RAD54B: variants seen among roughly 807,000 people sequenced by gnomAD.
RAD54B encodes DNA repair and recombination protein RAD54B.
A neutral mutation model predicts 95.8 loss-of-function variants in RAD54B; 78 were observed. The ratio of observed to expected loss-of-function variants is 0.81; its 90% CI spans 0.68 to 0.98. The LOEUF is 0.98. Ranked by LOEUF, RAD54B falls within the 50% of genes least tolerant of loss-of-function variation. The pLI is 0.00. For missense variants in RAD54B, 957 were observed against 1,056.6 expected (o/e 0.91, Z 1.31); for synonymous variants, 328 against 354.9 (o/e 0.92, Z 0.85).
At chr8:94,433,634 C>A (rs1233716573) in intron 3 of RAD54B, among the ~76,000 whole-genome samples, 2 of 151,728 alleles carry the variant, frequency 1.3e-5, no homozygotes, top group African/African-American at 4.8e-5. Context: ...CCTTAAAATT[C>A]TGTTTTATAA....
At chr8:94,453,312 T>G (rs904046066) in intron 3 of RAD54B, among the ~76,000 whole-genome samples, 8 of 152,162 alleles carry the variant, frequency 5.3e-5, no homozygotes, top group African/African-American at 1.9e-4. Flanking sequence ...GCGGATCACT[T>G]GAGGTCAGGA....
chr8:94,429,869 A>G (rs1378080292), intron 3 of RAD54B: 41 of 985,398 alleles, frequency 4.2e-5, no homozygotes, highest in Non-Finnish European at 4.8e-5. Flanking sequence ...TTCTATTTCT[A>G]TAGCCATAAC....
In RAD54B at chr8:94,428,378, G is replaced by A. The variant is rs190117779; in HGVS notation, c.305-17063C>T. 3.8e-3 allele frequency: 3,629 copies of A among 955,314 alleles called. 11 individuals carry two copies. The highest frequency in any genetic ancestry group is 4.3e-3 in the Non-Finnish European group (3,432 of 802,702). The allele number at this position is 955,314 out of a possible 1,614,324, so 59.2% of individuals were successfully genotyped here. A position where few individuals can be genotyped will look rare whatever the true frequency, so the allele number is the denominator to read the frequency against. On this transcript the variant is annotated intron_variant, in intron 3 of 14. Coordinates refer to ENST00000336148, the MANE Select transcript of RAD54B (RefSeq NM_012415.3). ...TATAGTCATCCCTCAGTATCCAAGG[G>A]GGATTGGTTTCAGGACACCCCCTAC...
intron 2 of RAD54B, among the ~76,000 whole-genome samples, chr8:94,463,330 A>T (rs937431979): frequency 3.9e-5 from 6 of 151,998 alleles, no homozygotes; most frequent in African/African-American, 1.5e-4. Context: ...AGCACACATA[A>T]AAGTGCTCCA....
chr8:94,433,994 A>G (rs1278862341), intron 3 of RAD54B, among the ~76,000 whole-genome samples: 1 of 151,788 alleles, frequency 6.6e-6, no homozygotes, highest in Non-Finnish European at 1.5e-5. Flanking sequence ...CATATATAGT[A>G]TATAATAAAA....
intron 14 of RAD54B, among the ~76,000 whole-genome samples, chr8:94,377,033 C>T (rs1322381723): frequency 6.6e-6 from 1 of 152,002 alleles, no homozygotes; most frequent in African/African-American, 2.4e-5. Flanking sequence ...GATCTAGTTC[C>T]TTTTTGAATG....
At chr8:94,468,534 A>G (rs1813086213) in intron 1 of RAD54B, among the ~76,000 whole-genome samples, 1 of 71,762 alleles carries the variant, frequency 1.4e-5, no homozygotes, top group African/African-American at 3.7e-5. Flanking sequence ...AAAATTAAGA[A>G]AAAAAAAAAG....
At chr8:94,444,948 T>C (rs1812486349) in intron 3 of RAD54B, among the ~76,000 whole-genome samples, 1 of 152,218 alleles carries the variant, frequency 6.6e-6, no homozygotes, top group African/African-American at 2.4e-5. Context: ...GACAGAATCC[T>C]AATTTTGATA....
chr8:94,402,070 T>TATATA (rs771706856), intron 6 of RAD54B, among the ~76,000 whole-genome samples: 177 of 152,284 alleles, frequency 1.2e-3, no homozygotes, highest in Non-Finnish European at 1.4e-3. Flanking sequence ...AGACTGTATC[T>TATATA]TATATATCAG....
At chr8:94,396,387 CAAA>C (rs112302212) in intron 8 of RAD54B, among the ~76,000 whole-genome samples, 1 of 132,352 alleles carries the variant, frequency 7.6e-6, no homozygotes, top group Non-Finnish European at 1.7e-5. Flanking sequence ...CCTATCCCTA[CAAA>C]AAAAAAAAAG....
Position 94,387,153 on chromosome 8 carries a change from C to T in RAD54B, c.1816G>A (p.Glu606Lys). The part of the protein sequence containing the change: ...CLLFNSIKEK[E>K]CSSTCDKNEE... ...TTTTTATCACAAGTTGAGCTACATTCCTTTTCCTATTCAAAATGATGATTG... is the reference window on the plus strand; with the variant it reads ...TTTTTATCACAAGTTGAGCTACATTTCTTTTCCTATTCAAAATGATGATTG... Residue 606 changes from glutamate to lysine, a missense_variant, in exon 11 of 15, where the codon GAA becomes AAA. Glu to Lys is a moderately conservative substitution (Grantham distance 56). Transcript: ENST00000336148. 1.3e-6 allele frequency: 2 copies of T among 1,578,494 alleles called. No individual in the cohort carries two copies. Among genetic ancestry groups the T allele is most frequent in the Non-Finnish European group, 1.7e-6 (2 of 1,167,630 alleles).
chr8:94,449,036 A>G, intron 3 of RAD54B, among the ~76,000 whole-genome samples: 1 of 122,862 alleles, frequency 8.1e-6, no homozygotes, highest in Non-Finnish European at 1.7e-5. Flanking sequence ...GCATATACAT[A>G]CACACATGCA....
At chr8:94,428,194 G>C in intron 3 of RAD54B, 8 of 844,664 alleles carry the variant, frequency 9.5e-6, no homozygotes, top group Non-Finnish European at 1.1e-5. Context: ...TATATACTTA[G>C]TATATTTATC....
At chr8:94,418,295 T>G (rs1320148800) in intron 3 of RAD54B, among the ~76,000 whole-genome samples, 1 of 152,166 alleles carries the variant, frequency 6.6e-6, no homozygotes, top group East Asian at 1.9e-4. Flanking sequence ...AAATTACCAG[T>G]CCAATGAATT....
chr8:94,391,856 CAAGT>C lies in RAD54B; in HGVS notation c.1558_1561del (p.Thr520AlafsTer15), dbSNP rs758373839. The C allele has an allele frequency of 6.8e-6, 11 of 1,612,746 alleles. No homozygotes were observed. Among genetic ancestry groups the C allele is most frequent in the Admixed American group, 5.0e-5 (3 of 59,794 alleles). ...TCTAAGGATAAAGAGTCCAGTGAGGCAAGTAAGTTCAGCTGCTCTTCTTTCTCCT... is the reference window on the plus strand; with the variant it reads ...TCTAAGGATAAAGAGTCCAGTGAGGCAAGTTCAGCTGCTCTTCTTTCTCCT... On this transcript the variant is annotated frameshift_variant, in exon 10 of 15. Transcript: ENST00000336148. LOFTEE classifies it high-confidence loss of function.
intron 3 of RAD54B, among the ~76,000 whole-genome samples, chr8:94,453,101 A>G (rs986814648): frequency 7.9e-5 from 12 of 152,210 alleles, no homozygotes; most frequent in African/African-American, 2.9e-4. Context: ...AGTCTCCTAT[A>G]TGTATATATT....
intron 5 of RAD54B, among the ~76,000 whole-genome samples, chr8:94,405,135 C>T (rs1811356478): frequency 6.6e-6 from 1 of 152,070 alleles, no homozygotes; most frequent in African/African-American, 2.4e-5. Context: ...TTTAAAGCAG[C>T]ATGAAGTCAT....
intron 3 of RAD54B, chr8:94,429,659 A>G (rs1349512163): frequency 2.7e-5 from 27 of 983,580 alleles, no homozygotes; most frequent in Non-Finnish European, 1.8e-5. Flanking sequence ...GAATTACAAG[A>G]TTCATTAGAC....
At chr8:94,380,957 G>C (rs1306385416) in intron 11 of RAD54B, among the ~76,000 whole-genome samples, 1 of 152,102 alleles carries the variant, frequency 6.6e-6, no homozygotes, top group Non-Finnish European at 1.5e-5. Flanking sequence ...TTATTATCTG[G>C]AGAAAATAAA....
Sources: gnomAD v4.1 joint callset for allele counts (sites outside exome capture counted in the v4.1 genomes callset) on GRCh38, gnomAD v4.1.1 for gene constraint, MANE v1.5 for transcripts, NCBI Gene and HGNC (gene_info 2026-07-23, HGNC 2026-07-21) for gene names.